FER: variants seen among roughly 807,000 people sequenced by gnomAD.
FER encodes tyrosine-protein kinase Fer.
A neutral mutation model predicts 111.0 loss-of-function variants in FER; 63 were observed. That is an observed-to-expected ratio of 0.57 (90% CI 0.46 to 0.70). The LOEUF is 0.70. Among genes scored for constraint, FER ranks in the 30% least tolerant of loss-of-function variants. The pLI is 0.00. For synonymous variants in FER, 327 were observed against 313.9 expected (o/e 1.04, Z -0.44); for missense variants, 914 against 954.0 (o/e 0.96, Z 0.55).
At chr5:108,964,809 A>G (rs1759590581) in intron 13 of FER, among the ~76,000 whole-genome samples, 1 of 152,144 alleles carries the variant, frequency 6.6e-6, no homozygotes, top group Non-Finnish European at 1.5e-5. Context: ...CCATCCAAAT[A>G]AATTACAGTA....
intron 17 of FER, among the ~76,000 whole-genome samples, chr5:109,136,430 T>C (rs1269422298): frequency 6.6e-6 from 1 of 152,240 alleles, no homozygotes; most frequent in East Asian, 1.9e-4. Flanking sequence ...TCTGGTTTTA[T>C]GTTTTAGAAA....
At chr5:109,123,305 G>A (rs1207913784) in intron 17 of FER, among the ~76,000 whole-genome samples, 3 of 151,728 alleles carry the variant, frequency 2.0e-5, no homozygotes, top group Non-Finnish European at 4.4e-5. Context: ...ACAGGCACCC[G>A]CCACCGTGCC....
intron 13 of FER, among the ~76,000 whole-genome samples, chr5:108,974,499 G>T (rs923840862): frequency 6.6e-6 from 1 of 152,292 alleles, no homozygotes; most frequent in African/African-American, 2.4e-5. Context: ...TTAGTCATCA[G>T]GGAAAGAGAG....
At chr5:108,897,910 AC>A in intron 10 of FER, 62 bp downstream of exon 10, 1 of 1,358,080 alleles carries the variant, frequency 7.4e-7, no homozygotes, top group Admixed American at 2.5e-5. Flanking sequence ...ATAAGTGCAT[AC>A]AAAAATTATT....
rs181301820 is a variant in FER at position 108,857,172 on chromosome 5, G to A, written c.482-10595G>A. 1.0e-3 allele frequency among the ~76,000 whole-genome samples: 158 copies of A among 152,148 alleles called. 1 individual carries two copies. The highest frequency in any genetic ancestry group is 3.6e-3 in the African/African-American group (148 of 41,520). ...TACATATATATGCATGTGTGTGTAT[G>A]TGTAAATATAAAAACGTAAATGTAT... On this transcript the variant is annotated intron_variant, in intron 5 of 19. Transcript: ENST00000281092.
Position 109,063,681 on chromosome 5 carries a change from G to A in FER, c.1924+16483G>A, listed in dbSNP as rs563233813. On this transcript the variant is annotated intron_variant, in intron 16 of 19. Coordinates refer to ENST00000281092, the MANE Select transcript of FER (RefSeq NM_005246.4). Reference sequence around the variant, plus strand: ...TTCATTCAAAAAATTTTAAGATATAGCAACTCAGTGGCTGAATTTTTTAAC... The same window carrying A: ...TTCATTCAAAAAATTTTAAGATATAACAACTCAGTGGCTGAATTTTTTAAC... 3.3e-5 allele frequency among the ~76,000 whole-genome samples: 5 copies of A among 152,236 alleles called. No individual in the cohort carries two copies. The East Asian group carries it at 9.6e-4, about 29-fold the overall frequency.
chr5:108,922,888 T>G lies in FER; in HGVS notation c.1237-23242T>G, dbSNP rs67145801. 2.6e-5 allele frequency among the ~76,000 whole-genome samples: 4 copies of G among 152,010 alleles called. No individual in the cohort carries two copies. In the South Asian group the frequency reaches 8.3e-4, roughly 31 times the overall value. ...GAATACCTTTGGTGAAATAGAGCAGTGACTTAATCTAAGAAACAGTATAGT... is the reference window on the plus strand; with the variant it reads ...GAATACCTTTGGTGAAATAGAGCAGGGACTTAATCTAAGAAACAGTATAGT... On this transcript the variant is annotated intron_variant, in intron 10 of 19. Transcript: ENST00000281092.
chr5:108,968,968 T>C (rs1760265749), intron 13 of FER, among the ~76,000 whole-genome samples: 2 of 151,918 alleles, frequency 1.3e-5, no homozygotes, highest in Non-Finnish European at 2.9e-5. Context: ...AAAGGAAAAA[T>C]AAAAATATAT....
intron 10 of FER, among the ~76,000 whole-genome samples, chr5:108,941,262 A>G (rs1418771412): frequency 2.0e-5 from 3 of 152,202 alleles, no homozygotes; most frequent in Non-Finnish European, 4.4e-5. Context: ...TATTAACTAC[A>G]GCTCCAACTC....
chr5:108,814,452 A>G (rs1376452012), intron 3 of FER, among the ~76,000 whole-genome samples: 1 of 152,210 alleles, frequency 6.6e-6, no homozygotes, highest in East Asian at 1.9e-4. Context: ...CCCTAGGTAC[A>G]ATACGTGTTT....
chr5:109,048,517 C>T (rs1772311034), intron 16 of FER, among the ~76,000 whole-genome samples: 1 of 152,106 alleles, frequency 6.6e-6, no homozygotes, highest in Non-Finnish European at 1.5e-5. Context: ...ACCACAGATG[C>T]AAATACCAGA....
intron 3 of FER, chr5:108,820,525 G>A (rs760123573): frequency 2.4e-5 from 24 of 985,192 alleles, no homozygotes; most frequent in Non-Finnish European, 1.1e-5. Context: ...GAAAGAAAAG[G>A]TAATATAATT....
At chr5:109,178,889 G>A (rs765776542) in intron 17 of FER, among the ~76,000 whole-genome samples, 4 of 151,982 alleles carry the variant, frequency 2.6e-5, no homozygotes, top group Non-Finnish European at 5.9e-5. Flanking sequence ...ACATTAATTT[G>A]GGCAGAATTG....
At chr5:109,178,936 A>C (rs1413589263) in intron 17 of FER, among the ~76,000 whole-genome samples, 2 of 152,122 alleles carry the variant, frequency 1.3e-5, no homozygotes, top group Non-Finnish European at 2.9e-5. Context: ...ATTAATATTC[A>C]CATGATTTTT....
chr5:108,885,754 G>T (rs769400789), intron 9 of FER, among the ~76,000 whole-genome samples: 6 of 151,628 alleles, frequency 4.0e-5, no homozygotes, highest in Non-Finnish European at 5.9e-5. Context: ...CTGAATTTTG[G>T]CAGCATACAA....
At chr5:109,131,034 T>C (rs976164297) in intron 17 of FER, among the ~76,000 whole-genome samples, 1 of 152,212 alleles carries the variant, frequency 6.6e-6, no homozygotes. Context: ...TTTATTCAGC[T>C]TTATATCTCT....
chr5:109,062,423 G>A (rs1426448987), intron 16 of FER, among the ~76,000 whole-genome samples: 1 of 152,130 alleles, frequency 6.6e-6, no homozygotes, highest in African/African-American at 2.4e-5. Context: ...TTACTTGGGA[G>A]GCTGAGGCAG....
chr5:109,100,128 T>C (rs115599326), intron 16 of FER, among the ~76,000 whole-genome samples: 1,648 of 151,908 alleles, frequency 0.011, 23 homozygotes, highest in Non-Finnish European at 0.016. Flanking sequence ...AGTATGATTT[T>C]TGTATATTAT....
intron 13 of FER, among the ~76,000 whole-genome samples, chr5:109,013,353 G>A (rs923593031): frequency 2.0e-5 from 3 of 151,064 alleles, no homozygotes; most frequent in Admixed American, 2.0e-4. Context: ...CCTTGCGATA[G>A]TTTACTGAGA....
Sources: gnomAD v4.1 joint callset for allele counts (sites outside exome capture counted in the v4.1 genomes callset) on GRCh38, gnomAD v4.1.1 for gene constraint, MANE v1.5 for transcripts, NCBI Gene and HGNC (gene_info 2026-07-23, HGNC 2026-07-21) for gene names.